DUS2: variants seen among roughly 807,000 people sequenced by gnomAD.
DUS2 encodes the protein dihydrouridine synthase 2, also known as tRNA-dihydrouridine(20) synthase [NAD(P)+]-like.
A neutral mutation model predicts 71.3 loss-of-function variants in DUS2; 52 were observed. The observed-to-expected ratio is 0.73, with a 90% CI of 0.58 to 0.92. The LOEUF (loss-of-function observed/expected upper bound fraction) is 0.92. Among genes scored for constraint, DUS2 ranks in the 40% least tolerant of loss-of-function variants. The pLI, the probability that DUS2 is intolerant of heterozygous loss-of-function variation, is 0.00. For synonymous variants in DUS2, 204 were observed against 227.8 expected (o/e 0.90, Z 0.94); for missense variants, 558 against 622.6 (o/e 0.90, Z 1.10).
chr16:68,065,219 G>T (rs113993355), intron 8 of DUS2, among the ~76,000 whole-genome samples: 15,709 of 152,006 alleles, frequency 0.1, 1,090 homozygotes, highest in Non-Finnish European at 0.16. Flanking sequence ...TGAGTATGTT[G>T]TCTTTTCCTT....
At chr16:68,053,499 G>A in intron 4 of DUS2, 65 bp from the exon 5 acceptor site, 1 of 1,503,072 alleles carries the variant, frequency 6.7e-7, no homozygotes, top group Non-Finnish European at 9.3e-7. Flanking sequence ...TTTCTTCCAG[G>A]GCTTAGGCTA....
intron 7 of DUS2, among the ~76,000 whole-genome samples, chr16:68,059,494 G>A (rs966232631): frequency 2.6e-5 from 4 of 152,140 alleles, no homozygotes; most frequent in Non-Finnish European, 5.9e-5. Context: ...GGGGAGTGCT[G>A]GGGCTTCCTC....
Position 68,048,487 on chromosome 16 carries a change from G to A in DUS2, c.127-1018G>A, listed in dbSNP as rs573467473. Among the ~76,000 whole-genome samples the A allele has an allele frequency of 5.6e-4, 85 of 152,252 alleles. 1 individual carries two copies. The highest frequency in any genetic ancestry group is 1.6e-3 in the Admixed American group (24 of 15,276). On this transcript the variant is annotated intron_variant, in intron 3 of 16. Coordinates refer to ENST00000565263, the MANE Select transcript of DUS2 (RefSeq NM_017803.5). ...AACCATGTCCAAACTGCTTAGTTGT[G>A]GTGATTTGTTTGTTCAGGCCTAGTG... is the stretch of plus-strand genomic sequence containing the variant.
In DUS2 at chr16:68,025,501, A is replaced by G. The variant is rs1326709728; in HGVS notation, c.-19+7A>G. 6.6e-6 allele frequency: 1 copy of G among 152,154 alleles called. No individual in the cohort carries two copies. Among genetic ancestry groups the G allele is most frequent in the Admixed American group, 6.5e-5 (1 of 15,270 alleles). 9.4% of individuals were successfully genotyped at this position (152,154 alleles called of 1,614,324 possible). ...TATCAGAACAAAATAATAGGTATGT[A>G]TATGCATTTGGGTTTTTGGGTTTTG... On this transcript the variant is annotated splice_region_variant and intron_variant, in intron 2 of 16. Transcript: ENST00000565263.
intron 5 of DUS2, chr16:68,054,034 T>C (rs186766528): frequency 1.4e-5 from 3 of 207,880 alleles, no homozygotes; most frequent in African/African-American, 6.9e-5. Context: ...TCAAGAGTAG[T>C]TAAGATTTGT....
At chr16:68,032,468 C>G (rs1435936549) in intron 2 of DUS2, among the ~76,000 whole-genome samples, 2 of 152,134 alleles carry the variant, frequency 1.3e-5, no homozygotes, top group African/African-American at 2.4e-5. Context: ...TGTAACTGAG[C>G]TGCAGAGAAA....
chr16:68,071,021 G>A lies in DUS2; in HGVS notation c.723G>A (p.Val241=), dbSNP rs2034078068. The part of the protein sequence containing the change: ...RQATAASSVM[V]ARAAMWNPSI... Reference sequence around the variant, plus strand: ...CCACGGCAGCCTCTTCCGTGATGGTGGCCCGAGCAGCCATGTGGAACCCAT... The same window carrying A: ...CCACGGCAGCCTCTTCCGTGATGGTAGCCCGAGCAGCCATGTGGAACCCAT... Residue 241 remains valine (V), a synonymous_variant, in exon 12 of 17, where the codon GTG becomes GTA. Coordinates refer to ENST00000565263, the MANE Select transcript of DUS2 (RefSeq NM_017803.5). The A allele has an allele frequency of 1.2e-6, 2 of 1,614,240 alleles. No individual in the cohort carries two copies. Among genetic ancestry groups the A allele is most frequent in the Non-Finnish European group, 1.7e-6 (2 of 1,180,036 alleles).
chr16:68,047,666 A>G (rs899131682), intron 3 of DUS2, among the ~76,000 whole-genome samples: 1 of 151,670 alleles, frequency 6.6e-6, no homozygotes, highest in African/African-American at 2.4e-5. Context: ...GTATTTTAGT[A>G]GAGATGGGGT....
chr16:68,038,548 G>A (rs536907570), intron 3 of DUS2, among the ~76,000 whole-genome samples: 5 of 149,778 alleles, frequency 3.3e-5, no homozygotes, highest in East Asian at 2.0e-4. Flanking sequence ...TGGCCAACAC[G>A]GTGAAACCTT....
intron 3 of DUS2, among the ~76,000 whole-genome samples, chr16:68,046,176 T>A (rs1177539200): frequency 6.6e-6 from 1 of 152,194 alleles, no homozygotes; most frequent in Non-Finnish European, 1.5e-5. Flanking sequence ...CAATAGGATC[T>A]TTTTTAGCCC....
At position 68,051,263 on chromosome 16, in the gene DUS2, A is replaced by G. The variant is rs542196838; in HGVS notation, c.172+1713A>G. ...TGTTGTTTCTATAAAGTTGCTTTAAACATCAAATGAGCGGATACTGAACCA... is the reference window on the plus strand; with the variant it reads ...TGTTGTTTCTATAAAGTTGCTTTAAGCATCAAATGAGCGGATACTGAACCA... On this transcript the variant is annotated intron_variant, in intron 4 of 16. Coordinates refer to ENST00000565263, the MANE Select transcript of DUS2 (RefSeq NM_017803.5). 7.9e-5 allele frequency among the ~76,000 whole-genome samples: 12 copies of G among 152,346 alleles called. No homozygotes were observed. In the East Asian group the frequency reaches 2.3e-3, roughly 29 times the overall value.
At chr16:68,070,861 G>C in intron 11 of DUS2, 79 bp from the exon 12 acceptor site, 2 of 1,515,108 alleles carry the variant, frequency 1.3e-6, no homozygotes, top group South Asian at 2.3e-5. Context: ...ATCAGTGGCA[G>C]ATCTGAGAGC....
chr16:68,076,507 G>A (rs2034157978), intron 14 of DUS2, 125 bp from the exon 15 acceptor site: 1 of 688,872 alleles, frequency 1.5e-6, no homozygotes, highest in Non-Finnish European at 2.5e-6. Context: ...GAAGCCTTAA[G>A]GCAGCAGCTC....
At chr16:68,071,909 AG>A (rs1019087387) in intron 12 of DUS2, among the ~76,000 whole-genome samples, 3 of 152,226 alleles carry the variant, frequency 2.0e-5, no homozygotes, top group Non-Finnish European at 4.4e-5. Flanking sequence ...GGTAGTGCCA[AG>A]GGCATATCCC....
chr16:68,023,978 G>A (rs779851502), intron 1 of DUS2: 1 of 167,012 alleles, frequency 6.0e-6, no homozygotes, highest in Non-Finnish European at 1.5e-5. Flanking sequence ...TAGTAAGAAG[G>A]GTGCTGCGAC....
intron 3 of DUS2, among the ~76,000 whole-genome samples, chr16:68,039,543 C>T (rs896684692): frequency 3.3e-5 from 5 of 152,090 alleles, no homozygotes; most frequent in South Asian, 2.1e-4. Flanking sequence ...CTCAGCCTCC[C>T]GAGTAGCTGG....
chr16:68,034,724 A>G (rs12448227), intron 2 of DUS2, among the ~76,000 whole-genome samples: 29,083 of 151,466 alleles, frequency 0.19, 3,313 homozygotes, highest in African/African-American at 0.31. Flanking sequence ...TAGGCTGGGC[A>G]TGGTGGCTCA....
intron 16 of DUS2, 97 bp from the exon 17 acceptor site, chr16:68,078,652 C>T (rs1450733495): frequency 1.3e-6 from 2 of 1,491,004 alleles, no homozygotes; most frequent in African/African-American, 2.8e-5. Flanking sequence ...GATGGTGACC[C>T]CTTACTCAGT....
intron 4 of DUS2, among the ~76,000 whole-genome samples, chr16:68,052,645 CTTTT>C (rs199978338): frequency 7.0e-6 from 1 of 142,056 alleles, no homozygotes; most frequent in Non-Finnish European, 1.5e-5. Context: ...CATGTATGGA[CTTTT>C]TTTTTTTTTT....
Sources: allele counts gnomAD v4.1 joint callset (sites outside exome capture counted in the v4.1 genomes callset), GRCh38; gene constraint gnomAD v4.1.1; transcripts MANE v1.5; gene names NCBI Gene and HGNC (gene_info 2026-07-23, HGNC 2026-07-21).